The following HDX variants were observed in gnomAD, a reference collection of about 807,000 sequenced individuals.
HDX encodes the protein highly divergent homeobox.
In HDX, 19 loss-of-function variants were observed where a neutral mutation model predicts 45.2. The observed-to-expected ratio is 0.42, with a 90% CI of 0.29 to 0.62. The LOEUF is 0.62. Among genes scored for constraint, HDX ranks in the 20% least tolerant of loss-of-function variants. The probability of loss-of-function intolerance (pLI) is 0.20; values close to 1 mark genes in which losing one functional copy is unlikely to be tolerated. For missense variants in HDX, 532 were observed against 493.9 expected (o/e 1.08, Z -0.73); for synonymous variants, 188 against 172.8 (o/e 1.09, Z -0.69).
chrX:84,400,031 C>CT (rs1261295657), intron 5 of HDX, among the ~76,000 whole-genome samples: 2 of 111,251 alleles, frequency 1.8e-5, no homozygotes, highest in Non-Finnish European at 3.8e-5. Flanking sequence ...GTTAAAAACT[C>CT]TTAATAAACT....
At chrX:84,427,785 A>C (rs754751949) in intron 5 of HDX, among the ~76,000 whole-genome samples, 1 of 111,331 alleles carries the variant, frequency 9.0e-6, no homozygotes, top group South Asian at 3.7e-4. Flanking sequence ...CTTTGTATGG[A>C]TATGTGCTAT....
chrX:84,432,742 T>A (rs961651364), intron 5 of HDX, among the ~76,000 whole-genome samples: 2 of 111,304 alleles, frequency 1.8e-5, no homozygotes. Context: ...ATGGGGTTCT[T>A]TAGGTATAGA....
intron 6 of HDX, among the ~76,000 whole-genome samples, chrX:84,352,279 T>C: frequency 8.9e-6 from 1 of 112,146 alleles, no homozygotes. Context: ...TTATGAAATG[T>C]AGTTCCTTGG....
intron 4 of HDX, among the ~76,000 whole-genome samples, chrX:84,457,250 C>A (rs1204384572): frequency 9.0e-6 from 1 of 111,304 alleles, no homozygotes; most frequent in African/African-American, 3.3e-5. Context: ...CAATTTGGAC[C>A]ACAAACTTGG....
At chrX:84,386,036 C>A (rs568142748) in intron 5 of HDX, among the ~76,000 whole-genome samples, 7 of 109,138 alleles carry the variant, frequency 6.4e-5, no homozygotes, top group Middle Eastern at 4.8e-3. Flanking sequence ...TCCTTCAATA[C>A]CTGGTTTGTT....
At chrX:84,325,191 G>T (rs1362252362) in intron 10 of HDX, among the ~76,000 whole-genome samples, 1 of 110,292 alleles carries the variant, frequency 9.1e-6, no homozygotes, top group Non-Finnish European at 1.9e-5. Context: ...ATATATAAAG[G>T]CTATTTCTTG....
chrX:84,454,190 A>G (rs940920819), intron 4 of HDX, among the ~76,000 whole-genome samples: 2 of 111,354 alleles, frequency 1.8e-5, no homozygotes, highest in Admixed American at 1.9e-4. Context: ...TGAGAAAAGT[A>G]GAGGAAAAAG....
At chrX:84,492,107 A>G (rs1206649429) in intron 1 of HDX, among the ~76,000 whole-genome samples, 2 of 110,770 alleles carry the variant, frequency 1.8e-5, no homozygotes, top group South Asian at 3.9e-4. Context: ...TTCTCAACAC[A>G]GAGAGACTCC....
intron 5 of HDX, among the ~76,000 whole-genome samples, chrX:84,374,245 C>A (rs1446430299): frequency 9.0e-6 from 1 of 110,503 alleles, no homozygotes; most frequent in Non-Finnish European, 1.9e-5. Flanking sequence ...AACCATTGCT[C>A]AATGAAATAA....
intron 6 of HDX, among the ~76,000 whole-genome samples, chrX:84,356,334 G>A (rs2037483362): frequency 9.0e-6 from 1 of 111,616 alleles, no homozygotes; most frequent in Admixed American, 9.5e-5. Flanking sequence ...TCTGCCATGA[G>A]CATTCTAGTA....
At chrX:84,327,253 C>A (rs1406877084) in intron 9 of HDX, among the ~76,000 whole-genome samples, 1 of 111,868 alleles carries the variant, frequency 8.9e-6, no homozygotes, top group Admixed American at 9.5e-5. Context: ...CTACTGATAA[C>A]TGTAAACTTA....
At chrX:84,377,572 C>A (rs2038086806) in intron 5 of HDX, among the ~76,000 whole-genome samples, 1 of 110,957 alleles carries the variant, frequency 9.0e-6, no homozygotes, top group African/African-American at 3.3e-5. Flanking sequence ...ACGAATCAAG[C>A]AGAAATTCCA....
chrX:84,405,588 C>CTTTTGTTTTTTTTTT (rs2038798513), intron 5 of HDX, among the ~76,000 whole-genome samples: 1 of 58,209 alleles, frequency 1.7e-5, no homozygotes, highest in African/African-American at 6.3e-5. Context: ...GGATTTTCTG[C>CTTTTGTTTTTTTTTT]TTTTTTTTTT....
At chrX:84,333,173 T>G (rs2036880631) in intron 9 of HDX, among the ~76,000 whole-genome samples, 1 of 111,180 alleles carries the variant, frequency 9.0e-6, no homozygotes, top group South Asian at 3.7e-4. Context: ...GCAGAAAACA[T>G]ATTGACATAC....
chrX:84,394,864 C>T (rs763924147), intron 5 of HDX, among the ~76,000 whole-genome samples: 11 of 110,351 alleles, frequency 1.0e-4, no homozygotes, highest in Non-Finnish European at 1.9e-4. Flanking sequence ...TTTTTCCAAC[C>T]CTTTATTTTC....
At chrX:84,492,691 C>G (rs1298610619) in intron 1 of HDX, among the ~76,000 whole-genome samples, 1 of 111,336 alleles carries the variant, frequency 9.0e-6, no homozygotes, top group African/African-American at 3.3e-5. Context: ...CAATCCACTC[C>G]TACACAATTT....
At chrX:84,336,003 C>T (rs1231386720) in intron 8 of HDX, among the ~76,000 whole-genome samples, 1 of 108,433 alleles carries the variant, frequency 9.2e-6, no homozygotes, top group Non-Finnish European at 1.9e-5. Context: ...TTTGTAACAA[C>T]AACAAAAAAA....
At chrX:84,364,782 G>T (rs2037708297) in intron 5 of HDX, among the ~76,000 whole-genome samples, 1 of 110,425 alleles carries the variant, frequency 9.1e-6, no homozygotes, top group African/African-American at 3.3e-5. Flanking sequence ...CTAGCTCCTA[G>T]AAACCACTTT....
At chrX:84,418,486 T>C (rs915321201) in intron 5 of HDX, among the ~76,000 whole-genome samples, 1 of 111,627 alleles carries the variant, frequency 9.0e-6, no homozygotes, top group African/African-American at 3.3e-5. Context: ...TGCCATTACT[T>C]TTAACGGTGA....
Sources: gnomAD v4.1 joint callset for allele counts (sites outside exome capture counted in the v4.1 genomes callset) on GRCh38, gnomAD v4.1.1 for gene constraint, MANE v1.5 for transcripts, NCBI Gene and HGNC (gene_info 2026-07-23, HGNC 2026-07-21) for gene names.